Variants in CDK14 observed in about 807,000 individuals in gnomAD.
CDK14 encodes the protein cyclin-dependent kinase 14.
A neutral mutation model predicts 60.7 loss-of-function variants in CDK14; 34 were observed. The ratio of observed to expected loss-of-function variants is 0.56; its 90% CI spans 0.43 to 0.75. CDK14 has a LOEUF of 0.75. Ranked by LOEUF, CDK14 falls within the 30% of genes least tolerant of loss-of-function variation. The probability of loss-of-function intolerance (pLI) is 0.00; values close to 1 mark genes in which losing one functional copy is unlikely to be tolerated. For missense variants in CDK14, 482 were observed against 564.1 expected, an observed-to-expected ratio of 0.85 and a Z score of 1.47; for synonymous variants, 197 against 203.7, an observed-to-expected ratio of 0.97 and a Z score of 0.28.
intron 10 of CDK14, among the ~76,000 whole-genome samples, chr7:91,043,855 G>C (rs1797159784): frequency 6.6e-6 from 1 of 152,212 alleles, no homozygotes; most frequent in Non-Finnish European, 1.5e-5. Context: ...ATTCACCAGA[G>C]TAGGAAGCAG....
chr7:90,728,285 T>G (rs1156674246), intron 3 of CDK14, among the ~76,000 whole-genome samples: 1 of 151,978 alleles, frequency 6.6e-6, no homozygotes, highest in African/African-American at 2.4e-5. Context: ...AAAAATTTTC[T>G]TATATGTTTA....
intron 3 of CDK14, among the ~76,000 whole-genome samples, chr7:90,729,346 T>TTTG (rs1802764095): frequency 2.6e-5 from 3 of 113,550 alleles, no homozygotes; most frequent in South Asian, 3.0e-4. Flanking sequence ...GTATCAAGGT[T>TTTG]TTTTTTTTTT....
At chr7:91,007,657 T>C (rs904590838) in intron 10 of CDK14, among the ~76,000 whole-genome samples, 7 of 152,140 alleles carry the variant, frequency 4.6e-5, no homozygotes, top group African/African-American at 1.7e-4. Flanking sequence ...CCCAGATGAA[T>C]AGAACCCTCA....
intron 1 of CDK14, among the ~76,000 whole-genome samples, chr7:90,596,984 G>T (rs1799201230): frequency 6.6e-6 from 1 of 152,284 alleles, no homozygotes; most frequent in East Asian, 1.9e-4. Context: ...ACTAGTGCTC[G>T]CCCTTTCGCG....
intron 11 of CDK14, among the ~76,000 whole-genome samples, chr7:91,074,308 A>G (rs1433956136): frequency 6.6e-6 from 1 of 152,228 alleles, no homozygotes; most frequent in Non-Finnish European, 1.5e-5. Context: ...ATTCTCTCAG[A>G]CCACAGTACA....
intron 3 of CDK14, among the ~76,000 whole-genome samples, chr7:90,734,538 T>G (rs557635777): frequency 6.6e-6 from 1 of 152,294 alleles, no homozygotes; most frequent in Admixed American, 6.5e-5. Flanking sequence ...AATCTTATCT[T>G]CTTGTTTTAT....
At chr7:91,191,815 T>A (rs1284169870) in intron 14 of CDK14, among the ~76,000 whole-genome samples, 2 of 152,134 alleles carry the variant, frequency 1.3e-5, no homozygotes, top group African/African-American at 4.8e-5. Flanking sequence ...CATTTGATGC[T>A]CAAGGGAAGC....
Position 90,965,429 on chromosome 7 carries a change from C to A in CDK14, c.947+9612C>A, listed in dbSNP as rs116657904. On this transcript the variant is annotated intron_variant, in intron 9 of 14. Coordinates refer to ENST00000380050, the MANE Select transcript of CDK14 (RefSeq NM_001287135.2). ...TTCTGGAAATGACTAACTACAACTTCTTTGGGGAAGCTTCTCTCCCATAGC... is the reference window on the plus strand; with the variant it reads ...TTCTGGAAATGACTAACTACAACTTATTTGGGGAAGCTTCTCTCCCATAGC... Among the ~76,000 whole-genome samples, 1,185 of 152,288 alleles carry A rather than the reference C, an allele frequency of 7.8e-3. 19 individuals carry two copies. The highest frequency in any genetic ancestry group is 0.028 in the African/African-American group (1,144 of 41,562).
At chr7:91,098,423 G>A (rs539681848) in intron 12 of CDK14, among the ~76,000 whole-genome samples, 4 of 151,466 alleles carry the variant, frequency 2.6e-5, no homozygotes, top group South Asian at 2.1e-4. Context: ...GTTAAGGGGC[G>A]CAGCACACCA....
At chr7:90,649,246 T>TTCTTTC (rs1800537046) in intron 2 of CDK14, among the ~76,000 whole-genome samples, 1 of 18,342 alleles carries the variant, frequency 5.5e-5, no homozygotes, top group African/African-American at 2.3e-4. Flanking sequence ...GTTTCTTTCT[T>TTCTTTC]TCTTTCTTTC....
intron 12 of CDK14, among the ~76,000 whole-genome samples, chr7:91,109,726 T>G (rs1332381189): frequency 6.6e-6 from 1 of 152,022 alleles, no homozygotes. Context: ...TAATATTACA[T>G]GTATGAAACA....
chr7:90,999,860 C>T (rs554747644), intron 10 of CDK14, among the ~76,000 whole-genome samples: 1 of 152,128 alleles, frequency 6.6e-6, no homozygotes, highest in Non-Finnish European at 1.5e-5. Context: ...TTTGTTCAAA[C>T]ATAGGTATTT....
At chr7:90,737,250 T>C (rs1218291179) in intron 3 of CDK14, among the ~76,000 whole-genome samples, 1 of 152,224 alleles carries the variant, frequency 6.6e-6, no homozygotes, top group Admixed American at 6.5e-5. Context: ...CATTGAGTTA[T>C]GCTGTCATAA....
chr7:90,721,088 C>T (rs372713689), intron 2 of CDK14, among the ~76,000 whole-genome samples: 5 of 152,166 alleles, frequency 3.3e-5, no homozygotes, highest in East Asian at 1.9e-4. Flanking sequence ...CTTTGTAATA[C>T]GTTGCTTAGG....
chr7:90,960,344 C>G (rs1005468616), intron 9 of CDK14, among the ~76,000 whole-genome samples: 3 of 152,010 alleles, frequency 2.0e-5, no homozygotes, highest in African/African-American at 7.2e-5. Context: ...TGATAGCATG[C>G]CAGTCTCTTC....
chr7:90,788,791 C>T (rs962429361), intron 4 of CDK14, among the ~76,000 whole-genome samples: 1 of 152,150 alleles, frequency 6.6e-6, no homozygotes, highest in African/African-American at 2.4e-5. Flanking sequence ...ACTGGATTCT[C>T]TGGCCCACAT....
chr7:90,639,849 G>A (rs921123985), intron 2 of CDK14, among the ~76,000 whole-genome samples: 2 of 152,174 alleles, frequency 1.3e-5, no homozygotes, highest in African/African-American at 4.8e-5. Flanking sequence ...CAGCCTGGCT[G>A]CTACCTTGCA....
chr7:91,069,964 T>C (rs964855241), intron 11 of CDK14, among the ~76,000 whole-genome samples: 1 of 152,098 alleles, frequency 6.6e-6, no homozygotes, highest in African/African-American at 2.4e-5. Flanking sequence ...ACCTAGCTGA[T>C]TTTTCAATTT....
intron 8 of CDK14, among the ~76,000 whole-genome samples, chr7:90,921,954 T>C (rs1221147238): frequency 6.6e-6 from 1 of 152,170 alleles, no homozygotes; most frequent in South Asian, 2.1e-4. Flanking sequence ...GTAGAGGACA[T>C]GGTAAGTTCA....
Sources: gnomAD v4.1 joint callset for allele counts (sites outside exome capture counted in the v4.1 genomes callset) on GRCh38, gnomAD v4.1.1 for gene constraint, MANE v1.5 for transcripts, NCBI Gene and HGNC (gene_info 2026-07-23, HGNC 2026-07-21) for gene names.